The following CCDC178 variants were observed in gnomAD, a reference collection of about 807,000 sequenced individuals.
CCDC178 encodes the protein coiled-coil domain-containing protein 178.
CCDC178 carries 126 observed loss-of-function variants against 117.4 expected under a neutral mutation model. The observed-to-expected ratio is 1.07, with a 90% confidence interval of 0.93 to 1.24. The LOEUF (loss-of-function observed/expected upper bound fraction) is 1.24. Among genes scored for constraint, CCDC178 ranks in the 50% most tolerant of loss-of-function variants. The pLI, the probability that CCDC178 is intolerant of heterozygous loss-of-function variation, is 0.00. For missense variants in CCDC178, 1,030 were observed against 986.9 expected (o/e 1.04, Z -0.59); for synonymous variants, 283 against 313.4 (o/e 0.90, Z 1.02).
chr18:33,259,974 A>T (rs1173132430), intron 14 of CCDC178, among the ~76,000 whole-genome samples: 2 of 152,144 alleles, frequency 1.3e-5, no homozygotes, highest in Non-Finnish European at 2.9e-5. Flanking sequence ...TATACAGAAG[A>T]GAGTACAAAT....
chr18:33,086,261 T>C (rs2145050307), intron 21 of CCDC178, among the ~76,000 whole-genome samples: 1 of 151,992 alleles, frequency 6.6e-6, no homozygotes, highest in South Asian at 2.1e-4. Context: ...CAAATTATTC[T>C]ATAGCTTTAT....
chr18:33,158,496 A>T (rs1221582714), intron 20 of CCDC178, among the ~76,000 whole-genome samples: 4 of 152,118 alleles, frequency 2.6e-5, no homozygotes, highest in Non-Finnish European at 5.9e-5. Context: ...AAAAAAACTA[A>T]AATTTTTATA....
chr18:33,074,543 A>T (rs2057170528), intron 21 of CCDC178, among the ~76,000 whole-genome samples: 1 of 152,228 alleles, frequency 6.6e-6, no homozygotes, highest in Admixed American at 6.5e-5. Flanking sequence ...GGATTTCACC[A>T]TGGAGCCCTG....
intron 15 of CCDC178, among the ~76,000 whole-genome samples, chr18:33,243,850 A>G (rs1266575533): frequency 6.6e-6 from 1 of 151,960 alleles, no homozygotes; most frequent in African/African-American, 2.4e-5. Flanking sequence ...GTGGATGATG[A>G]TATCTTCATT....
intron 18 of CCDC178, among the ~76,000 whole-genome samples, chr18:33,221,293 C>CT: frequency 6.6e-6 from 1 of 152,232 alleles, no homozygotes; most frequent in South Asian, 2.1e-4. Flanking sequence ...TAAGCTGACT[C>CT]TAACAGTCGA....
chr18:33,235,748 G>A (rs144469899), intron 15 of CCDC178, among the ~76,000 whole-genome samples: 3 of 152,202 alleles, frequency 2.0e-5, no homozygotes, highest in African/African-American at 7.2e-5. Flanking sequence ...CTTAACAACT[G>A]GTGAAAGCTC....
At chr18:32,972,436 T>C (rs2054947023) in intron 22 of CCDC178, among the ~76,000 whole-genome samples, 1 of 152,168 alleles carries the variant, frequency 6.6e-6, no homozygotes, top group Non-Finnish European at 1.5e-5. Flanking sequence ...GTAGTATAGT[T>C]TGAAGTCAAG....
intron 21 of CCDC178, among the ~76,000 whole-genome samples, chr18:33,020,282 A>C (rs751564406): frequency 6.6e-6 from 1 of 151,920 alleles, no homozygotes; most frequent in Non-Finnish European, 1.5e-5. Context: ...TTCCAACTCT[A>C]TCATTCTCCC....
At chr18:32,988,380 G>A (rs145383939) in intron 21 of CCDC178, among the ~76,000 whole-genome samples, 6,365 of 152,058 alleles carry the variant, frequency 0.042, 171 homozygotes, top group East Asian at 0.081. Context: ...AGGTTGCAGC[G>A]AGCCGAGATC....
intron 20 of CCDC178, among the ~76,000 whole-genome samples, chr18:33,197,218 G>T (rs548447718): frequency 1.3e-5 from 2 of 152,174 alleles, no homozygotes; most frequent in African/African-American, 4.8e-5. Flanking sequence ...CCATAATGCT[G>T]AGGGTTCACT....
At chr18:33,002,742 T>G (rs960830569) in intron 21 of CCDC178, among the ~76,000 whole-genome samples, 3 of 151,392 alleles carry the variant, frequency 2.0e-5, no homozygotes, top group Non-Finnish European at 4.4e-5. Context: ...AAAAAAAAAG[T>G]TGGTGTTTTG....
At chr18:33,097,885 T>C (rs1435233916) in intron 20 of CCDC178, among the ~76,000 whole-genome samples, 1 of 152,066 alleles carries the variant, frequency 6.6e-6, no homozygotes, top group Non-Finnish European at 1.5e-5. Flanking sequence ...TGGTTATATA[T>C]TGTTAGTTTC....
At chr18:33,114,943 C>G (rs1000550398) in intron 20 of CCDC178, among the ~76,000 whole-genome samples, 49 of 152,028 alleles carry the variant, frequency 3.2e-4, no homozygotes, top group South Asian at 2.7e-3. Flanking sequence ...TAGAGATTTA[C>G]AGGTCAAAAA....
At chr18:33,212,338 A>C (rs1246745696) in intron 19 of CCDC178, among the ~76,000 whole-genome samples, 3 of 151,994 alleles carry the variant, frequency 2.0e-5, no homozygotes, top group East Asian at 3.9e-4. Flanking sequence ...CCTCCAAGAG[A>C]TATATTCTGA....
chr18:32,992,292 A>G (rs1247272442), intron 21 of CCDC178, among the ~76,000 whole-genome samples: 1 of 152,212 alleles, frequency 6.6e-6, no homozygotes, highest in Non-Finnish European at 1.5e-5. Context: ...TTTCTAAAAT[A>G]CATTATAAAA....
intron 12 of CCDC178, among the ~76,000 whole-genome samples, chr18:33,272,087 T>C (rs1439238497): frequency 6.6e-6 from 1 of 151,370 alleles, no homozygotes; most frequent in Non-Finnish European, 1.5e-5. Context: ...TGAATTCTAA[T>C]ACATGCAAAA....
chr18:33,088,473 T>C (rs2057415556), intron 21 of CCDC178, among the ~76,000 whole-genome samples: 1 of 152,196 alleles, frequency 6.6e-6, no homozygotes, highest in Non-Finnish European at 1.5e-5. Flanking sequence ...TTCATTCATT[T>C]TGTGCTCCTC....
intron 20 of CCDC178, among the ~76,000 whole-genome samples, chr18:33,139,227 C>A (rs2058167031): frequency 6.6e-6 from 1 of 152,144 alleles, no homozygotes; most frequent in Non-Finnish European, 1.5e-5. Flanking sequence ...ATCTCTTTTG[C>A]TTCCCAGTCT....
intron 20 of CCDC178, among the ~76,000 whole-genome samples, chr18:33,095,280 GA>G (rs1226905935): frequency 6.6e-6 from 1 of 151,856 alleles, no homozygotes; most frequent in Non-Finnish European, 1.5e-5. Flanking sequence ...AAAACATTAG[GA>G]AGATAGCTTG....
Sources: allele counts gnomAD v4.1 joint callset (sites outside exome capture counted in the v4.1 genomes callset), GRCh38; gene constraint gnomAD v4.1.1; transcripts MANE v1.5; gene names NCBI Gene and HGNC (gene_info 2026-07-23, HGNC 2026-07-21).